Variants in SKA2 observed in about 807,000 individuals in gnomAD.
The protein encoded by SKA2 is spindle and kinetochore associated complex subunit 2, also known as spindle and kinetochore-associated protein 2.
In SKA2, 13 loss-of-function variants were observed where a neutral mutation model predicts 16.9. That is an observed-to-expected ratio of 0.77 (90% confidence interval 0.50 to 1.22). The LOEUF is 1.22. SKA2 is among the 50% of genes most tolerant of loss of function. SKA2 has a pLI of 0.00. For synonymous variants in SKA2, 47 were observed against 48.5 expected (o/e 0.97, Z 0.13); for missense variants, 107 against 139.7 (o/e 0.77, Z 1.18).
In SKA2 at chr17:59,145,303, T is replaced by C. The variant is rs541544960; in HGVS notation, c.33+9828A>G. Among the ~76,000 whole-genome samples, 14 of 152,326 alleles carry C rather than the reference T, an allele frequency of 9.2e-5. No homozygotes were observed. In the East Asian group the frequency reaches 2.7e-3, roughly 29 times the overall value. ...TAAGAAAACTTAATAGCTAGAATAT[T>C]GATCTTACTTTCTCAATACTCCTAG... On this transcript the variant is annotated intron_variant, in intron 1 of 3. Transcript: ENST00000330137.
intron 2 of SKA2, among the ~76,000 whole-genome samples, chr17:59,123,080 AAAAAG>A (rs2046346916): frequency 1.3e-5 from 2 of 151,470 alleles, no homozygotes; most frequent in African/African-American, 4.8e-5. Flanking sequence ...TGGAAGGAAA[AAAAAG>A]AAAACAATTA....
intron 2 of SKA2, among the ~76,000 whole-genome samples, chr17:59,128,846 A>G (rs2046389667): frequency 6.6e-6 from 1 of 152,078 alleles, no homozygotes; most frequent in Admixed American, 6.6e-5. Context: ...TATTGTGGCA[A>G]TGGCTACAAA....
chr17:59,142,559 G>C (rs2046498709), intron 1 of SKA2, among the ~76,000 whole-genome samples: 1 of 151,550 alleles, frequency 6.6e-6, no homozygotes, highest in Admixed American at 6.6e-5. Context: ...CAAAGTGCTA[G>C]GATTACAGGC....
chr17:59,126,103 G>A (rs1403221346), intron 2 of SKA2, among the ~76,000 whole-genome samples: 2 of 151,502 alleles, frequency 1.3e-5, no homozygotes, highest in African/African-American at 2.4e-5. Context: ...CCCGGGAGGC[G>A]GAGCTTGCAG....
At chr17:59,125,317 T>A (rs996346420) in intron 2 of SKA2, among the ~76,000 whole-genome samples, 5 of 151,684 alleles carry the variant, frequency 3.3e-5, no homozygotes, top group Admixed American at 2.6e-4. Flanking sequence ...CTTTTATTAG[T>A]GTTTGTAAAC....
intron 3 of SKA2, among the ~76,000 whole-genome samples, chr17:59,113,659 A>G (rs1289422447): frequency 6.6e-6 from 1 of 151,786 alleles, no homozygotes; most frequent in East Asian, 1.9e-4. Flanking sequence ...CCTCATCTCT[A>G]CTAAAAATAC....
At chr17:59,141,589 A>C (rs2046490259) in intron 1 of SKA2, among the ~76,000 whole-genome samples, 1 of 145,250 alleles carries the variant, frequency 6.9e-6, no homozygotes, top group Non-Finnish European at 1.5e-5. Flanking sequence ...AAAACTAGCC[A>C]GTGTGGTGGC....
intron 1 of SKA2, among the ~76,000 whole-genome samples, chr17:59,131,856 G>A (rs2147807314): frequency 6.6e-6 from 1 of 152,206 alleles, no homozygotes; most frequent in South Asian, 2.1e-4. Flanking sequence ...AAAATTAAGA[G>A]GGCTTAAAGA....
chr17:59,134,431 A>C (rs1366483330), intron 1 of SKA2, among the ~76,000 whole-genome samples: 3 of 152,212 alleles, frequency 2.0e-5, no homozygotes, highest in Non-Finnish European at 4.4e-5. Context: ...CCTAAGACAG[A>C]ATCTCTATTC....
At position 59,143,604 on chromosome 17, in the gene SKA2, C is replaced by T. The variant is rs186557306; in HGVS notation, c.33+11527G>A. ...GGCCAGGCTGGTCTCAAGCTCCTGA[C>T]CTCAGGTGATCTGCCCACCTCAGCC... On this transcript the variant is annotated intron_variant, in intron 1 of 3. Transcript: ENST00000330137. Among the ~76,000 whole-genome samples the T allele has an allele frequency of 1.1e-3, 160 of 152,050 alleles. 1 individual carries two copies. The highest frequency in any genetic ancestry group is 3.7e-3 in the African/African-American group (152 of 41,494).
chr17:59,142,570 G>A (rs1053133172), intron 1 of SKA2, among the ~76,000 whole-genome samples: 2 of 151,532 alleles, frequency 1.3e-5, no homozygotes, highest in African/African-American at 4.8e-5. Flanking sequence ...GATTACAGGC[G>A]TGAGTCACCG....
intron 1 of SKA2, among the ~76,000 whole-genome samples, chr17:59,132,251 G>A (rs1461936517): frequency 6.6e-6 from 1 of 152,110 alleles, no homozygotes; most frequent in Non-Finnish European, 1.5e-5. Context: ...ACTTACTCGG[G>A]AGGCTGAGGC....
At chr17:59,136,769 G>A (rs2046448599) in intron 1 of SKA2, among the ~76,000 whole-genome samples, 1 of 151,926 alleles carries the variant, frequency 6.6e-6, no homozygotes, top group African/African-American at 2.4e-5. Context: ...GGCTCGTCTT[G>A]ATCTCCTGAC....
chr17:59,131,234 T>C (rs959764632), intron 2 of SKA2, 47 bp downstream of exon 2: 9 of 1,338,098 alleles, frequency 6.7e-6, no homozygotes, highest in Non-Finnish European at 9.3e-6. Flanking sequence ...TTCTAAAGTA[T>C]TCAGTTAAGG....
chr17:59,113,719 G>A (rs1292453275), intron 3 of SKA2, among the ~76,000 whole-genome samples: 1 of 151,906 alleles, frequency 6.6e-6, no homozygotes, highest in Non-Finnish European at 1.5e-5. Context: ...CTAGCTACTC[G>A]GGAGGTTGAG....
intron 3 of SKA2, among the ~76,000 whole-genome samples, chr17:59,112,971 T>C (rs2046273205): frequency 6.6e-6 from 1 of 151,994 alleles, no homozygotes; most frequent in Admixed American, 6.5e-5. Flanking sequence ...TGGAGTGCAG[T>C]GGCACAATCA....
Position 59,140,777 on chromosome 17 carries a change from A to ATT in SKA2, c.34-9412_34-9411dup, listed in dbSNP as rs34547204. ...AGGTGCCCACCACCACACCCGCCTA[A>ATT]TTTTTTTTTTTTTTTTTGGTATTCT... On this transcript the variant is annotated intron_variant, in intron 1 of 3. Coordinates refer to ENST00000330137, the MANE Select transcript of SKA2 (RefSeq NM_182620.4). Among the ~76,000 whole-genome samples, 1,166 of 129,916 alleles carry ATT rather than the reference A, an allele frequency of 9.0e-3. 14 individuals are homozygous for ATT. The highest frequency in any genetic ancestry group is 0.028 in the African/African-American group (964 of 34,660). 85.2% of individuals were successfully genotyped at this position (129,916 alleles called of 152,430 possible).
intron 1 of SKA2, among the ~76,000 whole-genome samples, chr17:59,141,723 CAAAAA>C (rs540951589): frequency 3.8e-5 from 2 of 53,326 alleles, no homozygotes; most frequent in African/African-American, 6.8e-5. Context: ...GACCTTGTCT[CAAAAA>C]AAAAAAAAAA....
chr17:59,139,649 C>A (rs904460026), intron 1 of SKA2, among the ~76,000 whole-genome samples: 3 of 152,072 alleles, frequency 2.0e-5, no homozygotes, highest in Admixed American at 2.0e-4. Context: ...TGCACCCGGC[C>A]AGAATCTACT....
Sources: gnomAD v4.1 joint callset for allele counts (sites outside exome capture counted in the v4.1 genomes callset) on GRCh38, gnomAD v4.1.1 for gene constraint, MANE v1.5 for transcripts, NCBI Gene and HGNC (gene_info 2026-07-23, HGNC 2026-07-21) for gene names.